TTC23: variants seen among roughly 807,000 people sequenced by gnomAD.
TTC23 encodes tetratricopeptide repeat protein 23.
Under a neutral mutation model 55.1 loss-of-function variants are expected in TTC23, and 58 were observed. The observed-to-expected ratio is 1.05, with a 90% CI of 0.85 to 1.31. The LOEUF is 1.31. TTC23 is among the 50% of genes most tolerant of loss of function. TTC23 has a pLI of 0.00. For missense variants in TTC23, 516 were observed against 534.4 expected, an observed-to-expected ratio of 0.97 and a Z score of 0.34; for synonymous variants, 203 against 199.9, an observed-to-expected ratio of 1.02 and a Z score of -0.13.
At chr15:99,195,347 G>C (rs1034452564) in intron 9 of TTC23, among the ~76,000 whole-genome samples, 3 of 152,122 alleles carry the variant, frequency 2.0e-5, no homozygotes, top group African/African-American at 2.4e-5. Context: ...TATATCACCA[G>C]GGAAATACAA....
chr15:99,190,915 G>A (rs1048652309), intron 9 of TTC23, among the ~76,000 whole-genome samples: 17 of 152,136 alleles, frequency 1.1e-4, no homozygotes, highest in African/African-American at 3.9e-4. Context: ...CCGAGTAGCT[G>A]AGACTACAGG....
intron 3 of TTC23, among the ~76,000 whole-genome samples, chr15:99,238,083 C>T (rs1046288284): frequency 3.3e-5 from 5 of 152,062 alleles, no homozygotes; most frequent in African/African-American, 4.8e-5. Context: ...CTCCTGCCTC[C>T]GCCTCCCAAG....
Position 99,216,943 on chromosome 15 carries a change from C to T in TTC23, c.581+1645G>A, listed in dbSNP as rs1051269792. ...TGAAGCTGTGTAAGGATGGTCATGG[C>T]AGCACTGCTATGGCAGCAGAGAGCT... is the stretch of plus-strand genomic sequence containing the variant. On this transcript the variant is annotated intron_variant, in intron 8 of 13. Coordinates refer to ENST00000394132, the MANE Select transcript of TTC23 (RefSeq NM_001288615.3). 7.2e-5 allele frequency among the ~76,000 whole-genome samples: 11 copies of T among 152,288 alleles called. No homozygotes were observed. In the Middle Eastern group the frequency reaches 0.01, roughly 141 times the overall value.
intron 9 of TTC23, among the ~76,000 whole-genome samples, chr15:99,199,629 T>C (rs1003049806): frequency 1.1e-4 from 17 of 152,050 alleles, no homozygotes; most frequent in Non-Finnish European, 2.4e-4. Flanking sequence ...AGAGTCCTTA[T>C]CAGTTGGGTA....
upstream of TTC23, among the ~76,000 whole-genome samples, chr15:99,250,830 T>C (rs2080676201): frequency 6.6e-6 from 1 of 152,240 alleles, no homozygotes; most frequent in Non-Finnish European, 1.5e-5. Context: ...CTCCTCATCT[T>C]TGTTATCTAC....
intron 4 of TTC23, among the ~76,000 whole-genome samples, chr15:99,231,816 G>A (rs1286748346): frequency 6.7e-6 from 1 of 150,276 alleles, no homozygotes; most frequent in African/African-American, 2.5e-5. Context: ...TTTTGAGACG[G>A]AGTTTCACTG....
intron 5 of TTC23, among the ~76,000 whole-genome samples, chr15:99,224,162 A>G (rs1346808980): frequency 6.6e-6 from 1 of 152,222 alleles, no homozygotes; most frequent in African/African-American, 2.4e-5. Context: ...TAAGGAATAC[A>G]TGCTCACCAT....
intron 4 of TTC23, among the ~76,000 whole-genome samples, chr15:99,229,513 T>C (rs927487898): frequency 2.0e-5 from 3 of 152,172 alleles, no homozygotes; most frequent in African/African-American, 7.2e-5. Context: ...CCCAGTGGAC[T>C]ACCTGAGTTG....
At chr15:99,181,425 GAGA>G (rs1276395890) in intron 9 of TTC23, among the ~76,000 whole-genome samples, 7 of 152,204 alleles carry the variant, frequency 4.6e-5, no homozygotes, top group Non-Finnish European at 8.8e-5. Context: ...ATGGTGGATA[GAGA>G]AGATGTTATG....
chr15:99,235,502 C>T (rs939476948), intron 3 of TTC23, among the ~76,000 whole-genome samples: 8 of 151,958 alleles, frequency 5.3e-5, no homozygotes, highest in Admixed American at 4.6e-4. Context: ...TCCCGAGTAG[C>T]TGGGACTACA....
chr15:99,173,156 G>C (rs1209992448), intron 10 of TTC23, among the ~76,000 whole-genome samples: 2 of 152,196 alleles, frequency 1.3e-5, no homozygotes, highest in Non-Finnish European at 2.9e-5. Context: ...TACTCTGCCA[G>C]TTTACGCCCC....
intron 10 of TTC23, among the ~76,000 whole-genome samples, chr15:99,164,411 G>A (rs183642232): frequency 6.6e-6 from 1 of 152,304 alleles, no homozygotes; most frequent in Admixed American, 6.5e-5. Flanking sequence ...AAATGCGAAG[G>A]CTTCCTCCCC....
intron 6 of TTC23, 97 bp from the exon 7 acceptor site, chr15:99,219,145 ACATATTGT>A: frequency 2.9e-6 from 4 of 1,378,830 alleles, no homozygotes; most frequent in Non-Finnish European, 4.0e-6. Context: ...GGTCTCCTTC[ACATATTGT>A]CAAATGACAC....
At chr15:99,218,225 C>T (rs1283201910) in intron 8 of TTC23, among the ~76,000 whole-genome samples, 2 of 152,126 alleles carry the variant, frequency 1.3e-5, no homozygotes, top group East Asian at 1.9e-4. Flanking sequence ...AGGCTTTCAT[C>T]ATAAACTCAA....
At chr15:99,241,213 G>T (rs888019838) in intron 3 of TTC23, among the ~76,000 whole-genome samples, 152 bp downstream of exon 3, 1 of 152,144 alleles carries the variant, frequency 6.6e-6, no homozygotes, top group African/African-American at 2.4e-5. Context: ...CGACTCGGAG[G>T]CTGAGGCACA....
At chr15:99,234,382 A>T (rs1021750660) in intron 4 of TTC23, among the ~76,000 whole-genome samples, 22 of 152,150 alleles carry the variant, frequency 1.4e-4, no homozygotes, top group African/African-American at 4.8e-4. Context: ...TTATTTATTT[A>T]TTTTTTGAGA....
At chr15:99,175,211 G>T in intron 9 of TTC23, 56 bp from the exon 10 acceptor site, 1 of 1,409,330 alleles carries the variant, frequency 7.1e-7, no homozygotes. Context: ...CAGCAGCAGG[G>T]AATTAACTGT....
intron 9 of TTC23, among the ~76,000 whole-genome samples, chr15:99,181,913 G>A (rs748877285): frequency 6.6e-6 from 1 of 152,100 alleles, no homozygotes; most frequent in East Asian, 1.9e-4. Flanking sequence ...CAGCTCTCCA[G>A]TTGTCAATTT....
chr15:99,241,758 C>T (rs1349729550), intron 2 of TTC23, among the ~76,000 whole-genome samples, 199 bp from the exon 3 acceptor site: 2 of 152,180 alleles, frequency 1.3e-5, no homozygotes, highest in Admixed American at 6.6e-5. Flanking sequence ...CAGGTGTGAA[C>T]CGTTGGAGGC....
Sources: allele counts gnomAD v4.1 joint callset (sites outside exome capture counted in the v4.1 genomes callset), GRCh38; gene constraint gnomAD v4.1.1; transcripts MANE v1.5; gene names NCBI Gene and HGNC (gene_info 2026-07-23, HGNC 2026-07-21).